KHDRBS2: variants seen among roughly 807,000 people sequenced by gnomAD.
KHDRBS2 encodes the protein KH domain-containing, RNA-binding, signal transduction-associated protein 2.
A neutral mutation model predicts 44.3 loss-of-function variants in KHDRBS2; 26 were observed. The observed-to-expected ratio is 0.59, with a 90% CI of 0.43 to 0.81. KHDRBS2 has a LOEUF of 0.81. KHDRBS2 is among the 40% of genes least tolerant of loss of function. The pLI, the probability that KHDRBS2 is intolerant of heterozygous loss-of-function variation, is 0.00. For synonymous variants in KHDRBS2, 194 were observed against 151.1 expected (o/e 1.28, Z -2.08); for missense variants, 476 against 433.1 (o/e 1.10, Z -0.88).
chr6:61,890,587 T>A (rs767352632), intron 6 of KHDRBS2, among the ~76,000 whole-genome samples: 6 of 152,350 alleles, frequency 3.9e-5, no homozygotes, highest in Non-Finnish European at 7.3e-5. Flanking sequence ...TAAAAACTGA[T>A]CTGTTTAAGC....
At chr6:61,677,375 A>G (rs1365243270), downstream of KHDRBS2, among the ~76,000 whole-genome samples, 1 of 151,956 alleles carries the variant, frequency 6.6e-6, no homozygotes, top group East Asian at 1.9e-4. Flanking sequence ...ATACTCAAAT[A>G]TATATGAAAT....
At chr6:61,758,914 A>G (rs1162294461) in intron 6 of KHDRBS2, among the ~76,000 whole-genome samples, 1 of 152,136 alleles carries the variant, frequency 6.6e-6, no homozygotes, top group Admixed American at 6.6e-5. Flanking sequence ...AATGTGCCAT[A>G]TTTACCACAC....
chr6:62,218,096 G>A (rs1391397767), intron 1 of KHDRBS2, among the ~76,000 whole-genome samples: 5 of 151,694 alleles, frequency 3.3e-5, no homozygotes, highest in African/African-American at 9.7e-5. Context: ...CAAAGGGACT[G>A]CACAGCATGT....
At chr6:62,074,376 C>G (rs1418333420) in intron 2 of KHDRBS2, among the ~76,000 whole-genome samples, 3 of 151,822 alleles carry the variant, frequency 2.0e-5, no homozygotes, top group African/African-American at 4.8e-5. Context: ...TTTAAAAACT[C>G]TATGCAAATG....
At chr6:62,096,039 T>C (rs185708946) in intron 2 of KHDRBS2, among the ~76,000 whole-genome samples, 4 of 152,144 alleles carry the variant, frequency 2.6e-5, no homozygotes, top group Admixed American at 2.0e-4. Flanking sequence ...TTGCGTATAT[T>C]GAACCATACG....
intron 4 of KHDRBS2, among the ~76,000 whole-genome samples, chr6:61,929,077 A>T (rs1341380837): frequency 6.6e-6 from 1 of 152,122 alleles, no homozygotes; most frequent in African/African-American, 2.4e-5. Flanking sequence ...CTGCCAAAAA[A>T]CATTCAAATT....
chr6:62,160,032 T>C (rs982968127), intron 2 of KHDRBS2, among the ~76,000 whole-genome samples: 1 of 152,118 alleles, frequency 6.6e-6, no homozygotes, highest in Non-Finnish European at 1.5e-5. Context: ...ATAAAGTATT[T>C]ATTGAGCACC....
intron 1 of KHDRBS2, among the ~76,000 whole-genome samples, chr6:62,239,873 G>A (rs1834320289): frequency 6.6e-6 from 1 of 151,812 alleles, no homozygotes; most frequent in Admixed American, 6.6e-5. Flanking sequence ...TTTATTAGAG[G>A]CAGGTTTCAC....
chr6:61,658,479 C>A, the KHDRBS2 span, among the ~76,000 whole-genome samples: 2 of 151,818 alleles, frequency 1.3e-5, no homozygotes. Context: ...TATATCCCAG[C>A]CAAAATTAAT....
chr6:62,117,397 C>CT (rs947537123), intron 2 of KHDRBS2, among the ~76,000 whole-genome samples: 7 of 151,928 alleles, frequency 4.6e-5, no homozygotes, highest in East Asian at 1.9e-4. Context: ...ATTTGGATAT[C>CT]TTTTTTTTGA....
chr6:61,567,831 T>G, the KHDRBS2 span, among the ~76,000 whole-genome samples: 1 of 152,220 alleles, frequency 6.6e-6, no homozygotes, highest in East Asian at 1.9e-4. Flanking sequence ...CAAGCCTTAG[T>G]ACATCCAATA....
intron 6 of KHDRBS2, among the ~76,000 whole-genome samples, chr6:61,768,788 C>T (rs72878837): frequency 0.38 from 56,996 of 151,684 alleles, 11,840 homozygotes; most frequent in African/African-American, 0.57. Flanking sequence ...GATGTTGCAA[C>T]AAGGAACTCC....
Position 62,179,332 on chromosome 6 carries a change from T to G in KHDRBS2, c.92-2020A>C, listed in dbSNP as rs574275842. Among the ~76,000 whole-genome samples, 15 of 151,830 alleles carry G rather than the reference T, an allele frequency of 9.9e-5. No individual in the cohort carries two copies. The South Asian group carries it at 3.1e-3, about 31-fold the overall frequency. On this transcript the variant is annotated intron_variant, in intron 1 of 8. Coordinates refer to ENST00000281156, the MANE Select transcript of KHDRBS2 (RefSeq NM_152688.4). ...GAAAATAAGTTATATGTCTATAATT[T>G]CTACTTAGTGTGATAACATCAGATT...
At chr6:62,005,837 T>C (rs759618537) in intron 3 of KHDRBS2, among the ~76,000 whole-genome samples, 3 of 151,608 alleles carry the variant, frequency 2.0e-5, no homozygotes, top group Non-Finnish European at 4.4e-5. Flanking sequence ...GAAATGAAAA[T>C]AGCAAAACCA....
intron 1 of KHDRBS2, among the ~76,000 whole-genome samples, chr6:62,219,390 A>T (rs1345434039): frequency 2.0e-5 from 3 of 151,956 alleles, no homozygotes; most frequent in African/African-American, 7.2e-5. Context: ...ATAATAGCTT[A>T]GAGTTTCCAA....
intron 6 of KHDRBS2, among the ~76,000 whole-genome samples, chr6:61,853,415 T>A (rs567759146): frequency 1.4e-4 from 22 of 152,290 alleles, no homozygotes; most frequent in African/African-American, 5.1e-4. Context: ...AAAAGTTGCA[T>A]AAACATAATT....
At chr6:61,816,824 T>C in intron 6 of KHDRBS2, 1 of 388,654 alleles carries the variant, frequency 2.6e-6, no homozygotes, top group South Asian at 1.9e-5. Flanking sequence ...TATATTAATA[T>C]TTTAGTGTGA....
chr6:61,887,084 G>A (rs570062661), intron 6 of KHDRBS2, among the ~76,000 whole-genome samples: 1 of 141,600 alleles, frequency 7.1e-6, no homozygotes, highest in Non-Finnish European at 1.5e-5. Context: ...TCTTTACCGA[G>A]AGGAAACACA....
At chr6:61,765,011 T>C (rs772569564) in intron 6 of KHDRBS2, among the ~76,000 whole-genome samples, 6 of 152,174 alleles carry the variant, frequency 3.9e-5, no homozygotes, top group Non-Finnish European at 7.4e-5. Context: ...AAATCAAGAT[T>C]AATAATAATA....
Sources: gnomAD v4.1 joint callset for allele counts (sites outside exome capture counted in the v4.1 genomes callset) on GRCh38, gnomAD v4.1.1 for gene constraint, MANE v1.5 for transcripts, NCBI Gene and HGNC (gene_info 2026-07-23, HGNC 2026-07-21) for gene names.